Variants in RAET1E observed in about 807,000 individuals in gnomAD.
RAET1E encodes NKG2D ligand 4.
A neutral mutation model predicts 21.1 loss-of-function variants in RAET1E; 27 were observed. The observed-to-expected ratio is 1.28, with a 90% confidence interval of 0.94 to 1.76. The LOEUF (loss-of-function observed/expected upper bound fraction) is 1.76. Ranked by LOEUF, RAET1E falls within the 40% of genes most tolerant of loss-of-function variation. RAET1E has a pLI of 0.00. For missense variants in RAET1E, 310 were observed against 311.3 expected, an observed-to-expected ratio of 1.00 and a Z score of 0.03; for synonymous variants, 113 against 115.0, an observed-to-expected ratio of 0.98 and a Z score of 0.11.
In RAET1E at chr6:149,888,589, A is replaced by G; in HGVS notation, c.701T>C (p.Ile234Thr). 1 of 1,613,010 alleles carries G rather than the reference A, an allele frequency of 6.2e-7. No homozygotes were observed. The change falls in exon 6 of 6, where the codon ATC becomes ACC. Residue 234 changes from isoleucine to threonine, a missense_variant. Ile to Thr is a moderately conservative substitution (Grantham distance 89). Transcript: ENST00000357183. ...PDRWIILGAF[I>T]LLVLMGIVLI... The stretch of plus-strand genomic sequence containing the variant: ...AACAATTCCCATTAAAACTAACAGG[A>G]TGAATGCCCCCAGGATGATCCATCT...
intron 4 of RAET1E, 126 bp from the exon 5 acceptor site, chr6:149,889,749 C>A: frequency 1.4e-6 from 2 of 1,466,510 alleles, no homozygotes; most frequent in Admixed American, 3.7e-5. Flanking sequence ...CCCTTTCCTG[C>A]CCATTGGGTC....
chr6:149,889,804 C>A, intron 4 of RAET1E, 81 bp downstream of exon 4: 1 of 1,537,974 alleles, frequency 6.5e-7, no homozygotes, highest in South Asian at 1.2e-5. Context: ...CACAGATATA[C>A]CTAAAGCCCC....
intron 5 of RAET1E, 116 bp downstream of exon 5, chr6:149,889,232 G>A: frequency 6.7e-7 from 1 of 1,481,582 alleles, no homozygotes; most frequent in African/African-American, 1.4e-5. Context: ...CTCCAGACAG[G>A]AAGCCCACGG....
chr6:149,888,322 C>G lies in RAET1E; in HGVS notation c.*176G>C. ...TTCCAGATCTTTGACCTTGCCCCTC[C>G]TCGAGAGGAGATGATTGCTTCATCC... On this transcript the variant is annotated 3_prime_UTR_variant, in exon 6 of 6. Coordinates refer to ENST00000357183, the MANE Select transcript of RAET1E (RefSeq NM_001394057.1). 2.4e-6 allele frequency: 2 copies of G among 818,464 alleles called. No homozygotes were observed. The highest frequency in any genetic ancestry group is 2.7e-5 in the East Asian group (1 of 37,574). The allele number at this position is 818,464 out of a possible 1,614,324, so 50.7% of individuals were successfully genotyped here. A position where few individuals can be genotyped will look rare whatever the true frequency, so the allele number is the denominator to read the frequency against.
chr6:149,888,358 T>G lies in RAET1E; in HGVS notation c.*140A>C, dbSNP rs1582764467. 1 of 1,029,914 alleles carries G rather than the reference T, an allele frequency of 9.7e-7. No individual in the cohort carries two copies. Among genetic ancestry groups the G allele is most frequent in the Non-Finnish European group, 1.4e-6 (1 of 690,144 alleles). The allele number at this position is 1,029,914 out of a possible 1,614,324, so 63.8% of individuals were successfully genotyped here. On this transcript the variant is annotated 3_prime_UTR_variant, in exon 6 of 6. Transcript: ENST00000357183. Reference sequence around the variant, plus strand: ...ATGATTGCTTCATCCCTCCTCTCACTGCACATTGTGCTGCCAGCCCTGCTG... The same window carrying G: ...ATGATTGCTTCATCCCTCCTCTCACGGCACATTGTGCTGCCAGCCCTGCTG...
At chr6:149,891,146 T>G in intron 2 of RAET1E, 112 bp from the exon 3 acceptor site, 1 of 399,648 alleles carries the variant, frequency 2.5e-6, no homozygotes, top group East Asian at 5.3e-5. Context: ...AAATTAACTT[T>G]GAATAAACTC....
chr6:149,885,426 C>T lies in RAET1E; in HGVS notation c.*3072G>A, dbSNP rs1398960364. On this transcript the variant is annotated 3_prime_UTR_variant, in exon 6 of 6. Transcript: ENST00000357183. ...GCCTCTCAGGTCGTGAATGCCCAGG[C>T]GATAAATGAAATTCACCTCATCTTA... 6.6e-6 allele frequency among the ~76,000 whole-genome samples: 1 copy of T among 152,118 alleles called. No homozygotes were observed. Among genetic ancestry groups the T allele is most frequent in the Non-Finnish European group, 1.5e-5 (1 of 68,016 alleles).
chr6:149,890,160 T>C lies in RAET1E; in HGVS notation c.86-15A>G. On this transcript the variant is annotated splice_polypyrimidine_tract_variant and intron_variant, in intron 3 of 5. Transcript: ENST00000357183. ...AGAGTGACCACCTGTGAGACAAAGA[T>C]GCAGGTGAGGTCCAGGACAGGGGAA... The C allele has an allele frequency of 6.2e-7, 1 of 1,613,642 alleles. No homozygotes were observed. The highest frequency in any genetic ancestry group is 8.5e-7 in the Non-Finnish European group (1 of 1,179,738).
In RAET1E at chr6:149,896,412, T is replaced by A. The variant is rs967512554; in HGVS notation, c.-320-380A>T. On this transcript the variant is annotated intron_variant, in intron 1 of 5. Transcript: ENST00000357183. Reference sequence around the variant, plus strand: ...AGCCGAGGAATGCACATTTTTTACATGTCCCCTATGTGGTTCTCTGTCTGC... The same window carrying A: ...AGCCGAGGAATGCACATTTTTTACAAGTCCCCTATGTGGTTCTCTGTCTGC... Among the ~76,000 whole-genome samples the A allele has an allele frequency of 1.3e-5, 2 of 152,200 alleles. 1 individual carries two copies. The highest frequency in any genetic ancestry group is 4.1e-4 in the South Asian group (2 of 4,836).
rs1313805872 is a variant in RAET1E at position 149,885,833 on chromosome 6, G to T, written c.*2665C>A. Among the ~76,000 whole-genome samples, 1 of 152,222 alleles carries T rather than the reference G, an allele frequency of 6.6e-6. No individual in the cohort carries two copies. The highest frequency in any genetic ancestry group is 1.5e-5 in the Non-Finnish European group (1 of 68,042). On this transcript the variant is annotated 3_prime_UTR_variant, in exon 6 of 6. Transcript: ENST00000357183. ...TGAGCGTCTACTATATAGCAGCCATGATAGATTCTCAGGTTACAAAAGTAA... is the reference window on the plus strand; with the variant it reads ...TGAGCGTCTACTATATAGCAGCCATTATAGATTCTCAGGTTACAAAAGTAA...
chr6:149,891,674 G>A (rs561729229), intron 2 of RAET1E, among the ~76,000 whole-genome samples: 24 of 152,044 alleles, frequency 1.6e-4, no homozygotes, highest in Non-Finnish European at 2.9e-4. Flanking sequence ...ATCACTTGAG[G>A]CCGGGAGTTC....
chr6:149,890,254 G>A, intron 3 of RAET1E, 109 bp from the exon 4 acceptor site: 2 of 1,211,440 alleles, frequency 1.7e-6, no homozygotes, highest in Non-Finnish European at 2.3e-6. Flanking sequence ...GCAGAGGCGG[G>A]GCAGCTCCAT....
rs1237220670 is a variant in RAET1E at position 149,885,259 on chromosome 6, GC to G, written c.*3238del. 8.5e-6 allele frequency among the ~76,000 whole-genome samples: 1 copy of G among 118,178 alleles called. No individual in the cohort carries two copies. The highest frequency in any genetic ancestry group is 3.1e-5 in the African/African-American group (1 of 31,868). 77.5% of individuals were successfully genotyped at this position (118,178 alleles called of 152,430 possible). ...GTTTAAAGCCCGACTTTGCCAAACC[GC>G]TGTGGATGCATTAATTTGGAAAGGT... On this transcript the variant is annotated 3_prime_UTR_variant, in exon 6 of 6. Coordinates refer to ENST00000357183, the MANE Select transcript of RAET1E (RefSeq NM_001394057.1).
Position 149,890,997 on chromosome 6 carries a change from T to C in RAET1E, c.-96A>G. ...TATCCAACAGCGTGGGTGTGGGCAC[T>C]GCCCAAATTCTTTACCCTGGAACAA... is the stretch of plus-strand genomic sequence containing the variant. On this transcript the variant is annotated 5_prime_UTR_variant, in exon 3 of 6. Transcript: ENST00000357183. 1 of 871,394 alleles carries C rather than the reference T, an allele frequency of 1.1e-6. No homozygotes were observed. Among genetic ancestry groups the C allele is most frequent in the South Asian group, 1.5e-5 (1 of 68,612 alleles). 54.0% of individuals were successfully genotyped at this position (871,394 alleles called of 1,614,324 possible).
At chr6:149,889,297 G>A in intron 5 of RAET1E, 51 bp downstream of exon 5, 1 of 1,603,080 alleles carries the variant, frequency 6.2e-7, no homozygotes, top group Non-Finnish European at 8.5e-7. Flanking sequence ...CACAGGGAAG[G>A]CTTTTGACCT....
chr6:149,890,801 T>G lies in RAET1E; in HGVS notation c.85+16A>C. 1.3e-6 allele frequency: 2 copies of G among 1,586,334 alleles called. No homozygotes were observed. The highest frequency in any genetic ancestry group is 1.7e-6 in the Non-Finnish European group (2 of 1,155,278). On this transcript the variant is annotated intron_variant, in intron 3 of 5. Coordinates refer to ENST00000357183, the MANE Select transcript of RAET1E (RefSeq NM_001394057.1). ...CCTCCTTGTCCTCAGCCAGTTCTTG[T>G]GCTCAGGACACTCACCAACCATGAT... is the stretch of plus-strand genomic sequence containing the variant.
rs1013126272 is a variant in RAET1E, at chr6:149,896,040, G to A, written c.-320-8C>T. 1.3e-5 allele frequency: 2 copies of A among 152,202 alleles called. No homozygotes were observed. Among genetic ancestry groups the A allele is most frequent in the African/African-American group, 4.8e-5 (2 of 41,458 alleles). The allele number at this position is 152,202 out of a possible 1,614,324, so 9.4% of individuals were successfully genotyped here. On this transcript the variant is annotated splice_region_variant and splice_polypyrimidine_tract_variant and intron_variant, in intron 1 of 5. Transcript: ENST00000357183. ...CACATGAGTTATGACTTCCTAAATA[G>A]CATCACCTTGAGAATTAGGATTTCT...
At position 149,898,083 on chromosome 6, in the gene RAET1E, T is replaced by G. The variant is rs1027574267; in HGVS notation, c.-383A>C. 2.0e-5 allele frequency: 3 copies of G among 152,196 alleles called. No homozygotes were observed. The highest frequency in any genetic ancestry group is 4.4e-5 in the Non-Finnish European group (3 of 68,042). The allele number at this position is 152,196 out of a possible 1,614,324, so 9.4% of individuals were successfully genotyped here. ...CTAGGATGGAGAGGCCTGAGGTGAC[T>G]GCTTCCTCAGAGTCTCTGTGCAAAC... On this transcript the variant is annotated 5_prime_UTR_variant, in exon 1 of 6. Transcript: ENST00000357183.
At chr6:149,894,943 C>G (rs1259277097) in intron 2 of RAET1E, among the ~76,000 whole-genome samples, 1 of 152,098 alleles carries the variant, frequency 6.6e-6, no homozygotes, top group Non-Finnish European at 1.5e-5. Flanking sequence ...TGTTGGTGAC[C>G]TTCAGATGGG....
Sources: gnomAD v4.1 joint callset for allele counts (sites outside exome capture counted in the v4.1 genomes callset) on GRCh38, gnomAD v4.1.1 for gene constraint, MANE v1.5 for transcripts, NCBI Gene and HGNC (gene_info 2026-07-23, HGNC 2026-07-21) for gene names.